ATP1B2: variants seen among roughly 807,000 people sequenced by gnomAD.
The protein encoded by ATP1B2 is sodium/potassium-transporting ATPase subunit beta-2.
ATP1B2 carries 12 observed loss-of-function variants against 37.3 expected under a neutral mutation model. That is an observed-to-expected ratio of 0.32 (90% CI 0.21 to 0.52). ATP1B2 has a LOEUF of 0.52. Among genes scored for constraint, ATP1B2 ranks in the 20% least tolerant of loss-of-function variants. ATP1B2 has a pLI of 0.96. For missense variants in ATP1B2, 324 were observed against 391.6 expected (o/e 0.83, Z 1.46); for synonymous variants, 139 against 140.5 (o/e 0.99, Z 0.07).
intron 1 of ATP1B2, 42 bp downstream of exon 1, chr17:7,651,672 G>T: frequency 6.5e-7 from 1 of 1,528,610 alleles, no homozygotes; most frequent in Non-Finnish European, 8.8e-7. Flanking sequence ...AAAGCCGCGG[G>T]GCGACGCCTC....
At position 7,654,039 on chromosome 17, in the gene ATP1B2, C is replaced by T. The variant is rs1395596746; in HGVS notation, c.347-13C>T. On this transcript the variant is annotated splice_polypyrimidine_tract_variant and intron_variant, in intron 3 of 6. Coordinates refer to ENST00000250111, the MANE Select transcript of ATP1B2 (RefSeq NM_001678.5). This position sits in a 1 kb window ranked among gnomAD's most constrained non-coding sequence, Gnocchi z 4.9. ...ACATCTGGCCCCTGAGTCTCTCCCT[C>T]CCACCTCTTTAGCTTACAACGACTC... 3.7e-6 allele frequency: 6 copies of T among 1,613,966 alleles called. No individual in the cohort carries two copies. The highest frequency in any genetic ancestry group is 5.1e-6 in the Non-Finnish European group (6 of 1,179,948).
Position 7,656,226 on chromosome 17 carries a change from G to A in ATP1B2, c.*331G>A. The A allele has an allele frequency of 3.1e-6, 1 of 321,928 alleles. No homozygotes were observed. The allele number at this position is 321,928 out of a possible 1,614,324, so 19.9% of individuals were successfully genotyped here. On this transcript the variant is annotated 3_prime_UTR_variant, in exon 7 of 7. Coordinates refer to ENST00000250111, the MANE Select transcript of ATP1B2 (RefSeq NM_001678.5). ...GCCTGCATATCCCCTGAGAGTTATAGGAAGTGCCCACTGACCCACCCACCC... is the reference window on the plus strand; with the variant it reads ...GCCTGCATATCCCCTGAGAGTTATAAGAAGTGCCCACTGACCCACCCACCC...
intron 2 of ATP1B2, 136 bp from the exon 3 acceptor site, chr17:7,653,705 G>A: frequency 8.1e-7 from 1 of 1,235,350 alleles, no homozygotes; most frequent in Non-Finnish European, 1.1e-6. Context: ...AGCCACAGGA[G>A]ATCACCCTCC....
chr17:7,655,302 A>G lies in ATP1B2; in HGVS notation c.610-225A>G. The G allele has an allele frequency of 3.4e-6, 2 of 585,000 alleles. No individual in the cohort carries two copies. The highest frequency in any genetic ancestry group is 3.1e-5 in the Admixed American group (1 of 32,434). The allele number at this position is 585,000 out of a possible 1,614,324, so 36.2% of individuals were successfully genotyped here. On this transcript the variant is annotated intron_variant, in intron 5 of 6. Coordinates refer to ENST00000250111, the MANE Select transcript of ATP1B2 (RefSeq NM_001678.5). The surrounding 1 kb of genome is among the most constrained non-coding windows in gnomAD (Gnocchi z 4.4). ...TGGAGTAGGAGGCTTTCGTGCCATT[A>G]GCAGCCTTCAGGAGTTCCTAGAATG...
In ATP1B2 at chr17:7,655,013, G is replaced by A. The variant is rs759844422; in HGVS notation, c.609+329G>A. On this transcript the variant is annotated intron_variant, in intron 5 of 6. Transcript: ENST00000250111. The surrounding 1 kb of genome is among the most constrained non-coding windows in gnomAD (Gnocchi z 4.4). ...CATTCCCAGATTGTCCGTATCGTTC[G>A]CTCTCCCTCCCATATGGCCCCCACC... is the stretch of plus-strand genomic sequence containing the variant. Among the ~76,000 whole-genome samples, 5 of 151,900 alleles carry A rather than the reference G, an allele frequency of 3.3e-5. No individual in the cohort carries two copies. The highest frequency in any genetic ancestry group is 7.4e-5 in the Non-Finnish European group (5 of 67,968).
At chr17:7,650,023 G>A (rs2072599917), upstream of ATP1B2, among the ~76,000 whole-genome samples, 1 of 152,184 alleles carries the variant, frequency 6.6e-6, no homozygotes, top group Non-Finnish European at 1.5e-5. Context: ...GTGGTATGTA[G>A]AGCAAGTGTA....
rs1567533333 is a variant in ATP1B2, at chr17:7,656,341, C to T, written c.*446C>T. On this transcript the variant is annotated 3_prime_UTR_variant, in exon 7 of 7. Coordinates refer to ENST00000250111, the MANE Select transcript of ATP1B2 (RefSeq NM_001678.5). ...CCAGAGATGAATGTGGCACTCCCTC[C>T]TTCCATTCCTAAGCTCTGGCCACCG... The T allele has an allele frequency of 5.4e-6, 1 of 185,574 alleles. No homozygotes were observed. The highest frequency in any genetic ancestry group is 1.2e-4 in the South Asian group (1 of 8,530). The allele number at this position is 185,574 out of a possible 1,614,324, so 11.5% of individuals were successfully genotyped here. A position where few individuals can be genotyped will look rare whatever the true frequency, so the allele number is the denominator to read the frequency against.
chr17:7,653,379 A>G lies in ATP1B2; in HGVS notation c.118A>G (p.Ile40Val). The G allele has an allele frequency of 1.2e-6, 2 of 1,613,728 alleles. No homozygotes were observed. Among genetic ancestry groups the G allele is most frequent in the South Asian group, 2.2e-5 (2 of 91,070 alleles). The change falls in exon 2 of 7, where the codon ATC becomes GTC. Residue 40 changes from isoleucine to valine, a missense_variant. Coordinates refer to ENST00000250111, the MANE Select transcript of ATP1B2 (RefSeq NM_001678.5). ...CCCTGTTTCCTCCTCCCTAGCCTTTATCCTCCTCTTCTACCTCGTTTTTTA... is the reference window on the plus strand; with the variant it reads ...CCCTGTTTCCTCCTCCCTAGCCTTTGTCCTCCTCTTCTACCTCGTTTTTTA... ...MGRTGTSWAF[I>V]LLFYLVFYGF...
Position 7,653,432 on chromosome 17 carries a change from C to T in ATP1B2, c.171C>T (p.Leu57=), listed in dbSNP as rs760744091. The T allele has an allele frequency of 3.7e-6, 6 of 1,614,020 alleles. No homozygotes were observed. The African/African-American group carries it at 4.0e-5, about 11-fold the overall frequency. ...GGTTCCTCACCGCCATGTTCACCCT[C>T]ACCATGTGGGTGATGCTGCAGACTG... The part of the protein sequence containing the change: ...FYGFLTAMFT[L]TMWVMLQTVS... Residue 57 remains leucine (L), a synonymous_variant, in exon 2 of 7, where the codon CTC becomes CTT. Transcript: ENST00000250111.
At chr17:7,651,814 C>A in intron 1 of ATP1B2, among the ~76,000 whole-genome samples, 184 bp downstream of exon 1, 1 of 152,048 alleles carries the variant, frequency 6.6e-6, no homozygotes, top group East Asian at 1.9e-4. Flanking sequence ...CGTGCGGAGG[C>A]GGAGAAAGTA....
rs1227372415 is a variant in ATP1B2, at chr17:7,651,334, A to C, written c.-185A>C. 6 of 594,844 alleles carry C rather than the reference A, an allele frequency of 1.0e-5. No homozygotes were observed. Among genetic ancestry groups the C allele is most frequent in the Non-Finnish European group, 1.8e-5 (6 of 334,968 alleles). 36.8% of individuals were successfully genotyped at this position (594,844 alleles called of 1,614,324 possible). ...TCGGTGCATCTTCCGCCGCGCTGCC[A>C]GCACCCCGCAGCGCGTGGTCGTGCA... On this transcript the variant is annotated 5_prime_UTR_variant, in exon 1 of 7. Coordinates refer to ENST00000250111, the MANE Select transcript of ATP1B2 (RefSeq NM_001678.5).
chr17:7,653,764 C>A, intron 2 of ATP1B2, 77 bp from the exon 3 acceptor site: 1 of 1,449,602 alleles, frequency 6.9e-7, no homozygotes, highest in South Asian at 1.2e-5. Context: ...CTGGTGTTCC[C>A]TGTGTCCATT....
At chr17:7,651,688 C>T in intron 1 of ATP1B2, 58 bp downstream of exon 1, 1 of 1,444,580 alleles carries the variant, frequency 6.9e-7, no homozygotes, top group African/African-American at 1.5e-5. Flanking sequence ...GCCTCGGGGG[C>T]GCAGGGTCCC....
In ATP1B2 at chr17:7,651,196, G is replaced by T; in HGVS notation, c.-323G>T. 2 of 277,752 alleles carry T rather than the reference G, an allele frequency of 7.2e-6. No homozygotes were observed. The highest frequency in any genetic ancestry group is 1.4e-5 in the Non-Finnish European group (2 of 144,624). The allele number at this position is 277,752 out of a possible 1,614,324, so 17.2% of individuals were successfully genotyped here. ...GCCGTCTGTTTTTGCACCCCATTTC[G>T]TTTTGTTTCTAGACGGTTTGGTGGG... On this transcript the variant is annotated 5_prime_UTR_variant, in exon 1 of 7. Coordinates refer to ENST00000250111, the MANE Select transcript of ATP1B2 (RefSeq NM_001678.5).
At position 7,654,747 on chromosome 17, in the gene ATP1B2, T is replaced by A. The variant is rs1383848772; in HGVS notation, c.609+63T>A. On this transcript the variant is annotated intron_variant, in intron 5 of 6. Coordinates refer to ENST00000250111, the MANE Select transcript of ATP1B2 (RefSeq NM_001678.5). The surrounding 1 kb of genome is among the most constrained non-coding windows in gnomAD (Gnocchi z 4.9). ...TGGCTCACCTGAGTGTCCTTCATGG[T>A]TTCTGTGTAATTCACCTGTCTCTCC... 1.9e-6 allele frequency: 3 copies of A among 1,562,288 alleles called. No homozygotes were observed. Among genetic ancestry groups the A allele is most frequent in the Admixed American group, 1.7e-5 (1 of 59,888 alleles).
rs1390179617 is a variant in ATP1B2, at chr17:7,656,400, A to G, written c.*505A>G. 6.2e-6 allele frequency: 1 copy of G among 161,496 alleles called. No homozygotes were observed. The highest frequency in any genetic ancestry group is 1.4e-5 in the Non-Finnish European group (1 of 73,394). 10.0% of individuals were successfully genotyped at this position (161,496 alleles called of 1,614,324 possible). On this transcript the variant is annotated 3_prime_UTR_variant, in exon 7 of 7. Transcript: ENST00000250111. ...TCTCTCATACTTTCTCCCTGTCTAC[A>G]CAGTCGCCATCTTGGTGACTTTGAA...
chr17:7,649,349 C>G (rs2072594406), upstream of ATP1B2, among the ~76,000 whole-genome samples: 1 of 152,118 alleles, frequency 6.6e-6, no homozygotes, highest in Admixed American at 6.6e-5. Flanking sequence ...GCTGGGATTA[C>G]AGGCATGAGC....
In ATP1B2 at chr17:7,655,782, A is replaced by G. The variant is rs2072646498; in HGVS notation, c.760A>G (p.Asn254Asp). The change falls in exon 7 of 7, where the codon AAC (asparagine) becomes GAC (aspartate). Residue 254 changes from asparagine to aspartate, a missense_variant. Transcript: ENST00000250111. The surrounding 1 kb of genome is among the most constrained non-coding windows in gnomAD (Gnocchi z 4.4). ...VAVKFLNVTP[N>D]VEVNVECRIN... is the part of the protein sequence containing the mutation. ...TGTGAAGTTCCTGAATGTGACCCCC[A>G]ACGTGGAGGTGAATGTAGAATGTCG... 1.9e-6 allele frequency: 3 copies of G among 1,613,960 alleles called. No individual in the cohort carries two copies. In the Admixed American group the frequency reaches 5.0e-5, roughly 27 times the overall value.
Position 7,655,088 on chromosome 17 carries a change from T to A in ATP1B2, c.609+404T>A. 1 of 306,986 alleles carries A rather than the reference T, an allele frequency of 3.3e-6. No homozygotes were observed. The highest frequency in any genetic ancestry group is 6.1e-6 in the Non-Finnish European group (1 of 163,754). 19.0% of individuals were successfully genotyped at this position (306,986 alleles called of 1,614,324 possible). Reference sequence around the variant, plus strand: ...TAGCTGCTGATCTGTTAGCACCATCTGCCACCAGTTCGTTGTCCTTGGGAC... The same window carrying A: ...TAGCTGCTGATCTGTTAGCACCATCAGCCACCAGTTCGTTGTCCTTGGGAC... On this transcript the variant is annotated intron_variant, in intron 5 of 6. Transcript: ENST00000250111. The surrounding 1 kb of genome is among the most constrained non-coding windows in gnomAD (Gnocchi z 4.4).
Sources: gnomAD v4.1 joint callset for allele counts (sites outside exome capture counted in the v4.1 genomes callset) on GRCh38, gnomAD v4.1.1 for gene constraint, Gnocchi (gnomAD v3.1) non-coding constraint, MANE v1.5 for transcripts, NCBI Gene and HGNC (gene_info 2026-07-23, HGNC 2026-07-21) for gene names.